The following DPYD variants were observed in gnomAD, a reference collection of about 807,000 sequenced individuals.
DPYD encodes the protein dihydropyrimidine dehydrogenase [NADP(+)].
DPYD carries 109 observed loss-of-function variants against 116.2 expected under a neutral mutation model. The observed-to-expected ratio is 0.94, with a 90% CI of 0.80 to 1.10. The LOEUF is 1.10. Ranked by LOEUF, DPYD falls within the 50% of genes least tolerant of loss-of-function variation. The pLI, the probability that DPYD is intolerant of heterozygous loss-of-function variation, is 0.00. For synonymous variants in DPYD, 440 were observed against 432.0 expected (o/e 1.02, Z -0.23); for missense variants, 1,302 against 1,254.5 (o/e 1.04, Z -0.57).
chr1:97,109,571 G>T (rs971915694), intron 20 of DPYD, among the ~76,000 whole-genome samples: 2 of 152,012 alleles, frequency 1.3e-5, no homozygotes, highest in Non-Finnish European at 2.9e-5. Flanking sequence ...AAGCATACAG[G>T]ATTCAGGCTA....
At chr1:97,692,943 T>C (rs1322486502) in intron 6 of DPYD, among the ~76,000 whole-genome samples, 5 of 152,092 alleles carry the variant, frequency 3.3e-5, no homozygotes, top group Non-Finnish European at 5.9e-5. Flanking sequence ...CTTAAGAACT[T>C]GATTATGCAA....
At chr1:97,624,907 CAATT>C (rs1382170049) in intron 8 of DPYD, among the ~76,000 whole-genome samples, 1 of 151,856 alleles carries the variant, frequency 6.6e-6, no homozygotes, top group Non-Finnish European at 1.5e-5. Flanking sequence ...GAATCTGAAA[CAATT>C]AAACTCATAG....
At chr1:97,322,682 A>G (rs1558028603) in intron 16 of DPYD, 1 of 152,026 alleles carries the variant, frequency 6.6e-6, no homozygotes, top group South Asian at 2.1e-4. Flanking sequence ...GTGTAAAAAG[A>G]GAGTTCTCTA....
At chr1:97,203,669 C>CCT (rs1370592202) in intron 19 of DPYD, among the ~76,000 whole-genome samples, 2 of 57,054 alleles carry the variant, frequency 3.5e-5, no homozygotes, top group African/African-American at 6.7e-5. Context: ...CAGACCCCCC[C>CCT]CCCCCAAAAA....
intron 18 of DPYD, among the ~76,000 whole-genome samples, chr1:97,275,111 G>T (rs1664851805): frequency 6.6e-6 from 1 of 152,122 alleles, no homozygotes; most frequent in Admixed American, 6.6e-5. Context: ...AGTGTGAGTA[G>T]CTCAGTATGG....
At chr1:97,486,994 T>C (rs931570502) in intron 13 of DPYD, among the ~76,000 whole-genome samples, 1 of 152,080 alleles carries the variant, frequency 6.6e-6, no homozygotes, top group African/African-American at 2.4e-5. Flanking sequence ...AAAAATAAGA[T>C]GTTTTGGAGA....
Position 97,089,849 on chromosome 1 carries a change from T to A in DPYD, c.2767-7379A>T, listed in dbSNP as rs1649781031. The stretch of plus-strand genomic sequence containing the variant: ...TTTGTTTTTTTTTTTTTTTTTTTTT[T>A]ACTTTCAAGGGGCTAGGAGAATCAG... On this transcript the variant is annotated intron_variant, in intron 21 of 22. Coordinates refer to ENST00000370192, the MANE Select transcript of DPYD (RefSeq NM_000110.4). Among the ~76,000 whole-genome samples the A allele has an allele frequency of 3.1e-5, 4 of 130,048 alleles. No homozygotes were observed. The East Asian group carries it at 8.6e-4, about 28-fold the overall frequency. 85.3% of individuals were successfully genotyped at this position (130,048 alleles called of 152,430 possible). A position where few individuals can be genotyped will look rare whatever the true frequency, so the allele number is the denominator to read the frequency against.
intron 18 of DPYD, among the ~76,000 whole-genome samples, chr1:97,256,499 A>G (rs1456423143): frequency 5.9e-5 from 9 of 152,076 alleles, no homozygotes; most frequent in Non-Finnish European, 4.4e-5. Flanking sequence ...TGATGGTTTC[A>G]TAAGGAGGAG....
chr1:97,326,753 A>C (rs1490136224), intron 16 of DPYD, among the ~76,000 whole-genome samples: 1 of 152,046 alleles, frequency 6.6e-6, no homozygotes, highest in Non-Finnish European at 1.5e-5. Flanking sequence ...GGCAGATTGC[A>C]AGGGGTTAAG....
chr1:97,740,971 G>A (rs955788991), intron 3 of DPYD, among the ~76,000 whole-genome samples: 2 of 151,526 alleles, frequency 1.3e-5, no homozygotes, highest in Non-Finnish European at 2.9e-5. Flanking sequence ...CTTTCCAATT[G>A]TCTGAAGTCT....
chr1:97,293,477 T>C (rs1355635013), intron 18 of DPYD, among the ~76,000 whole-genome samples: 1 of 152,200 alleles, frequency 6.6e-6, no homozygotes, highest in Non-Finnish European at 1.5e-5. Context: ...AGCAGGCCCC[T>C]AATTGTGCCC....
chr1:97,477,604 C>CTTCTTTTTTT (rs1678043959), intron 13 of DPYD, among the ~76,000 whole-genome samples: 7 of 113,654 alleles, frequency 6.2e-5, no homozygotes, highest in African/African-American at 2.4e-4. Context: ...GACTGTTCTT[C>CTTCTTTTTTT]TTTTTTTTTT....
intron 1 of DPYD, among the ~76,000 whole-genome samples, chr1:97,895,633 CT>C (rs1345781196): frequency 1.3e-5 from 2 of 151,562 alleles, no homozygotes; most frequent in African/African-American, 4.8e-5. Flanking sequence ...ATTATCATAT[CT>C]ATTTTTTGAG....
At chr1:97,562,064 T>C (rs773809096) in intron 11 of DPYD, among the ~76,000 whole-genome samples, 16 of 152,212 alleles carry the variant, frequency 1.1e-4, no homozygotes, top group African/African-American at 2.2e-4. Context: ...TTGTGAACTT[T>C]AGAGAACCTA....
At chr1:97,402,439 A>C (rs897337604) in intron 14 of DPYD, among the ~76,000 whole-genome samples, 1 of 152,120 alleles carries the variant, frequency 6.6e-6, no homozygotes, top group Non-Finnish European at 1.5e-5. Context: ...GTACAGAAGA[A>C]ATCAAATGAC....
intron 11 of DPYD, among the ~76,000 whole-genome samples, chr1:97,568,331 TTAA>T (rs768167776): frequency 1.2e-4 from 18 of 152,134 alleles, no homozygotes; most frequent in African/African-American, 1.7e-4. Flanking sequence ...TTGTTACAGA[TTAA>T]TAATAACATC....
chr1:97,633,022 T>G (rs2100798752), intron 8 of DPYD, among the ~76,000 whole-genome samples: 1 of 152,212 alleles, frequency 6.6e-6, no homozygotes, highest in African/African-American at 2.4e-5. Context: ...GGGGCATACT[T>G]TTCAAACTGT....
At chr1:97,821,087 A>G (rs994801868) in intron 3 of DPYD, among the ~76,000 whole-genome samples, 1 of 151,894 alleles carries the variant, frequency 6.6e-6, no homozygotes, top group Non-Finnish European at 1.5e-5. Flanking sequence ...AAGACAACAC[A>G]TTGGAGGCCG....
intron 20 of DPYD, among the ~76,000 whole-genome samples, chr1:97,137,438 A>G (rs1760217): frequency 0.19 from 29,479 of 152,202 alleles, 2,916 homozygotes; most frequent in East Asian, 0.31. Context: ...ACTATTTAGT[A>G]CATTGTGTAG....
Sources: allele counts gnomAD v4.1 joint callset (sites outside exome capture counted in the v4.1 genomes callset), GRCh38; gene constraint gnomAD v4.1.1; transcripts MANE v1.5; gene names NCBI Gene and HGNC (gene_info 2026-07-23, HGNC 2026-07-21).